The following MYO18A variants were observed in gnomAD, a reference collection of about 807,000 sequenced individuals.
The protein encoded by MYO18A is myosin XVIIIA, also known as unconventional myosin-XVIIIa.
MYO18A carries 78 observed loss-of-function variants against 235.8 expected under a neutral mutation model. That is an observed-to-expected ratio of 0.33 (90% CI 0.28 to 0.40). The LOEUF (loss-of-function observed/expected upper bound fraction) is 0.40. Ranked by LOEUF, MYO18A falls within the 10% of genes least tolerant of loss-of-function variation. The probability of loss-of-function intolerance (pLI) is 1.00; values close to 1 mark genes in which losing one functional copy is unlikely to be tolerated. For missense variants in MYO18A, 2,215 were observed against 2,699.3 expected (o/e 0.82, Z 3.98); for synonymous variants, 977 against 1,077.8 (o/e 0.91, Z 1.83).
In MYO18A at chr17:29,166,660, G is replaced by A. The variant is rs769235341; in HGVS notation, c.281C>T (p.Ser94Leu). Residue 94 changes from serine to leucine, a missense_variant, in exon 2 of 42, where the codon TCG (serine) becomes TTG (leucine). Transcript: ENST00000527372. ...GGAGCTGGCTGTACTTAGGTGGCCCGAGTCCAGGATGACGCTGCCCCGGTT... is the reference window on the plus strand; with the variant it reads ...GGAGCTGGCTGTACTTAGGTGGCCCAAGTCCAGGATGACGCTGCCCCGGTT... ...DSNRGSVILD[S>L]GHLSTASSSD... 5 of 1,613,628 alleles carry A rather than the reference G, an allele frequency of 3.1e-6. No homozygotes were observed. The highest frequency in any genetic ancestry group is 1.3e-5 in the African/African-American group (1 of 74,878).
At chr17:29,115,609 C>G in intron 12 of MYO18A, 55 bp downstream of exon 12, 1 of 1,522,528 alleles carries the variant, frequency 6.6e-7, no homozygotes. Context: ...GGGATGGCAG[C>G]AAGCCCCAGA....
intron 2 of MYO18A, among the ~76,000 whole-genome samples, chr17:29,137,887 A>T (rs908080260): frequency 6.6e-6 from 1 of 152,218 alleles, no homozygotes; most frequent in African/African-American, 2.4e-5. Context: ...TGTATTTGTT[A>T]CTTACTGCTT....
rs1457354533 is a variant in MYO18A, at chr17:29,120,057, T to C, written c.1728+559A>G. 6.6e-6 allele frequency among the ~76,000 whole-genome samples: 1 copy of C among 152,076 alleles called. No homozygotes were observed. Among genetic ancestry groups the C allele is most frequent in the Non-Finnish European group, 1.5e-5 (1 of 68,004 alleles). ...CATCTGGCTCAATTAAGCAGGTGCA[T>C]CTTATTCCCAAGGTGCTCAATCAGA... On this transcript the variant is annotated intron_variant, in intron 7 of 41. Coordinates refer to ENST00000527372, the MANE Select transcript of MYO18A (RefSeq NM_078471.4). The surrounding 1 kb of genome is among the most constrained non-coding windows in gnomAD (Gnocchi z 4.2).
chr17:29,085,492 G>T, intron 40 of MYO18A, 112 bp downstream of exon 40: 1 of 900,288 alleles, frequency 1.1e-6, no homozygotes. Flanking sequence ...GCGGGAGTGT[G>T]GGGAGGCTGT....
chr17:29,179,290 T>C (rs1240115767), intron 1 of MYO18A, among the ~76,000 whole-genome samples: 1 of 145,684 alleles, frequency 6.9e-6, no homozygotes, highest in Non-Finnish European at 1.5e-5. Context: ...TAGCTCATTC[T>C]GGCCGCAACC....
At position 29,093,871 on chromosome 17, in the gene MYO18A, G is replaced by C. The variant is rs577473092; in HGVS notation, c.4821+109C>G. ...CGAGAGGCGCTTCCTGGCCCAGAAT[G>C]ACAATGGAAGACGATGTGGCTGAGG... On this transcript the variant is annotated intron_variant, in intron 31 of 41. Coordinates refer to ENST00000527372, the MANE Select transcript of MYO18A (RefSeq NM_078471.4). 1.0e-5 allele frequency: 8 copies of C among 763,824 alleles called. No individual in the cohort carries two copies. In the East Asian group the frequency reaches 2.2e-4, roughly 21 times the overall value. The allele number at this position is 763,824 out of a possible 1,614,324, so 47.3% of individuals were successfully genotyped here.
At chr17:29,171,032 G>A (rs535043118) in intron 1 of MYO18A, among the ~76,000 whole-genome samples, 2 of 152,310 alleles carry the variant, frequency 1.3e-5, no homozygotes, top group South Asian at 4.1e-4. Flanking sequence ...ACTAACCTAT[G>A]GTGGGGGTAG....
intron 2 of MYO18A, chr17:29,155,087 C>T (rs1009866360): frequency 6.6e-6 from 1 of 152,288 alleles, no homozygotes; most frequent in African/African-American, 2.4e-5. Context: ...GGTGCTGTCA[C>T]TGCCTGGCCT....
intron 2 of MYO18A, among the ~76,000 whole-genome samples, chr17:29,144,720 T>C (rs766327088): frequency 6.6e-6 from 1 of 152,238 alleles, no homozygotes; most frequent in Non-Finnish European, 1.5e-5. Flanking sequence ...TCATAAACCA[T>C]AGCACTCACT....
chr17:29,133,617 T>A (rs2067525783), intron 2 of MYO18A: 1 of 397,420 alleles, frequency 2.5e-6, no homozygotes, highest in Non-Finnish European at 4.9e-6. Context: ...CAGGAGCCCA[T>A]CCAGCCAGAA....
At chr17:29,080,713 C>T (rs1025712021) in intron 41 of MYO18A, 19 of 985,436 alleles carry the variant, frequency 1.9e-5, no homozygotes, top group South Asian at 1.9e-4. Context: ...GGAGCCCCAC[C>T]GCTTCTGCGG....
chr17:29,113,225 C>G (rs1204259570), intron 15 of MYO18A, among the ~76,000 whole-genome samples: 1 of 152,228 alleles, frequency 6.6e-6, no homozygotes. Context: ...GCAGCCCCAC[C>G]ACTTGTGCAA....
At chr17:29,103,064 C>G (rs2066694324) in intron 21 of MYO18A, among the ~76,000 whole-genome samples, 1 of 152,246 alleles carries the variant, frequency 6.6e-6, no homozygotes, top group Non-Finnish European at 1.5e-5. Context: ...AGACTGGCAC[C>G]CAGGGGCCAG....
chr17:29,074,057 T>C lies in MYO18A; in HGVS notation c.*713A>G. ...TGGTCCACACACACACTTGTCTGCG[T>C]AGGCTTGCTCAACCCAGCCCAGCAG... On this transcript the variant is annotated 3_prime_UTR_variant, in exon 42 of 42. Transcript: ENST00000527372. This position sits in a 1 kb window ranked among gnomAD's most constrained non-coding sequence, Gnocchi z 4.4. 6.2e-7 allele frequency: 1 copy of C among 1,613,974 alleles called. No homozygotes were observed. The highest frequency in any genetic ancestry group is 1.7e-5 in the Admixed American group (1 of 60,018).
In MYO18A at chr17:29,099,527, G is replaced by A. The variant is rs879154219; in HGVS notation, c.3636+107C>T. 4.3e-6 allele frequency: 6 copies of A among 1,401,598 alleles called. No individual in the cohort carries two copies. The South Asian group carries it at 8.7e-5, about 20-fold the overall frequency. 86.8% of individuals were successfully genotyped at this position (1,401,598 alleles called of 1,614,324 possible). ...GTTCCCCACCCTGGCCCAGGACATG[G>A]TGCCCTGGGAGGTTCCTGCCTCTTC... On this transcript the variant is annotated intron_variant, in intron 22 of 41. Transcript: ENST00000527372.
At chr17:29,080,381 T>G (rs528737637) in intron 41 of MYO18A, 2 of 986,080 alleles carry the variant, frequency 2.0e-6, no homozygotes, top group East Asian at 2.3e-4. Context: ...ACCGACAGAC[T>G]GCGGGCCAGC....
chr17:29,178,888 C>A (rs1017170606), intron 1 of MYO18A, among the ~76,000 whole-genome samples: 4 of 152,222 alleles, frequency 2.6e-5, no homozygotes, highest in Non-Finnish European at 5.9e-5. Flanking sequence ...CTTAATCACC[C>A]AGGTGGCCTC....
At chr17:29,172,463 T>TAA (rs57026865) in intron 1 of MYO18A, among the ~76,000 whole-genome samples, 1 of 139,770 alleles carries the variant, frequency 7.2e-6, no homozygotes, top group African/African-American at 2.6e-5. Flanking sequence ...AGACTCTGTC[T>TAA]AAAAAAAAAA....
At chr17:29,152,961 C>T (rs937406770) in intron 2 of MYO18A, among the ~76,000 whole-genome samples, 3 of 151,954 alleles carry the variant, frequency 2.0e-5, no homozygotes, top group Admixed American at 6.6e-5. Context: ...GAGATCTTCC[C>T]ATTTCAGCCT....
Sources: allele counts gnomAD v4.1 joint callset (sites outside exome capture counted in the v4.1 genomes callset), GRCh38; gene constraint gnomAD v4.1.1; non-coding constraint Gnocchi (gnomAD v3.1); transcripts MANE v1.5; gene names NCBI Gene and HGNC (gene_info 2026-07-23, HGNC 2026-07-21).